Variants in ITGAE observed in about 807,000 individuals in gnomAD.
The protein encoded by ITGAE is integrin alpha-E.
In ITGAE, 99 loss-of-function variants were observed where a neutral mutation model predicts 136.5. That is an observed-to-expected ratio of 0.73 (90% confidence interval 0.62 to 0.86). The LOEUF is 0.86. Among genes scored for constraint, ITGAE ranks in the 40% least tolerant of loss-of-function variants. The pLI, the probability that ITGAE is intolerant of heterozygous loss-of-function variation, is 0.00. For missense variants in ITGAE, 1,447 were observed against 1,515.3 expected (o/e 0.95, Z 0.75); for synonymous variants, 613 against 591.8 (o/e 1.04, Z -0.52).
chr17:3,718,301 A>T (rs2050980503), intron 29 of ITGAE: 1 of 152,282 alleles, frequency 6.6e-6, no homozygotes, highest in South Asian at 2.1e-4. Flanking sequence ...AGGCACATGA[A>T]GAAAAATCCA....
chr17:3,715,446 C>G (rs2567880), intron 30 of ITGAE, among the ~76,000 whole-genome samples: 2 of 152,026 alleles, frequency 1.3e-5, no homozygotes, highest in South Asian at 2.1e-4. Flanking sequence ...GTCTCTAGAC[C>G]GCTTTCAGGG....
intron 26 of ITGAE, among the ~76,000 whole-genome samples, chr17:3,727,067 T>C (rs964214338): frequency 6.6e-6 from 1 of 151,978 alleles, no homozygotes; most frequent in African/African-American, 2.4e-5. Context: ...GAGTCCTTTC[T>C]GTAAATTCCT....
intron 1 of ITGAE, 29 bp from the exon 2 acceptor site, chr17:3,777,689 AAG>A: frequency 6.3e-7 from 1 of 1,587,774 alleles, no homozygotes; most frequent in Non-Finnish European, 8.6e-7. Context: ...CGTTTAATGA[AAG>A]AGGCCTTTTA....
rs533194979 is a variant in ITGAE, at chr17:3,773,106, A to G, written c.155+4434T>C. Among the ~76,000 whole-genome samples the G allele has an allele frequency of 2.0e-5, 3 of 152,280 alleles. No individual in the cohort carries two copies. The East Asian group carries it at 5.8e-4, about 29-fold the overall frequency. On this transcript the variant is annotated intron_variant, in intron 2 of 30. Coordinates refer to ENST00000263087, the MANE Select transcript of ITGAE (RefSeq NM_002208.5). ...GTGCTTTCGACCAAACAACCATATCAGGGTTTCTGGGACCCTTTCCTTGGG... is the reference window on the plus strand; with the variant it reads ...GTGCTTTCGACCAAACAACCATATCGGGGTTTCTGGGACCCTTTCCTTGGG...
At position 3,736,824 on chromosome 17, in the gene ITGAE, A is replaced by G. The variant is rs1303769524; in HGVS notation, c.2523-1875T>C. ...CCAAAGTGCTGGGATTACAGGCGTG[A>G]GCCACCACGCCCGGCCTAGGAAGTA... is the stretch of plus-strand genomic sequence containing the variant. On this transcript the variant is annotated intron_variant, in intron 20 of 30. Transcript: ENST00000263087. Among the ~76,000 whole-genome samples, 3 of 147,720 alleles carry G rather than the reference A, an allele frequency of 2.0e-5. No homozygotes were observed. In the East Asian group the frequency reaches 6.8e-4, roughly 33 times the overall value.
At chr17:3,725,529 A>G in intron 26 of ITGAE, 2 of 1,614,240 alleles carry the variant, frequency 1.2e-6, no homozygotes, top group Non-Finnish European at 1.7e-6. Context: ...CTTTGAGGAA[A>G]TCCTGCCAGA....
At chr17:3,751,439 T>C (rs2051863561) in intron 15 of ITGAE, among the ~76,000 whole-genome samples, 1 of 151,470 alleles carries the variant, frequency 6.6e-6, no homozygotes, top group Non-Finnish European at 1.5e-5. Flanking sequence ...GAAGCCCTGG[T>C]CTGGAACCTC....
chr17:3,718,012 A>G (rs568646818), intron 29 of ITGAE: 1 of 152,342 alleles, frequency 6.6e-6, no homozygotes, highest in East Asian at 1.9e-4. Flanking sequence ...CTTCTTCTAA[A>G]CCCACAGATT....
chr17:3,723,150 G>GTC, intron 28 of ITGAE, 138 bp downstream of exon 28: 2 of 642,884 alleles, frequency 3.1e-6, no homozygotes, highest in East Asian at 2.8e-5. Context: ...GAACGGGTTG[G>GTC]GACAGAGGGT....
intron 18 of ITGAE, among the ~76,000 whole-genome samples, chr17:3,743,834 C>T (rs2051648781): frequency 1.3e-5 from 2 of 150,768 alleles, no homozygotes; most frequent in African/African-American, 4.9e-5. Flanking sequence ...GCCCGAGTAG[C>T]TGGGATGACA....
Position 3,747,962 on chromosome 17 carries a change from T to TA in ITGAE, c.2114dup (p.Leu705PhefsTer4). ...TGGTTACAGAGCTGATTTCAAAACA[T>TA]AAACGGACATTCACGACGCCGTTGA... On this transcript the variant is annotated frameshift_variant, in exon 17 of 31. Transcript: ENST00000263087. LOFTEE classifies it high-confidence loss of function. 1.9e-6 allele frequency: 3 copies of TA among 1,609,580 alleles called. No homozygotes were observed. Among genetic ancestry groups the TA allele is most frequent in the Non-Finnish European group, 2.5e-6 (3 of 1,177,160 alleles).
rs1008429064 is a variant in ITGAE at position 3,744,628 on chromosome 17, T to C, written c.2320-1011A>G. ...CCTGGCTAATTTTTGTATTTTTTTT[T>C]AGTAGAGACAGGGTTTTACCACATT... On this transcript the variant is annotated intron_variant, in intron 18 of 30. Transcript: ENST00000263087. Among the ~76,000 whole-genome samples the C allele has an allele frequency of 5.3e-5, 8 of 151,870 alleles. No homozygotes were observed. In the South Asian group the frequency reaches 8.3e-4, roughly 16 times the overall value.
At chr17:3,715,131 C>T (rs910200582) in intron 30 of ITGAE, among the ~76,000 whole-genome samples, 189 bp from the exon 31 acceptor site, 1 of 152,212 alleles carries the variant, frequency 6.6e-6, no homozygotes, top group Non-Finnish European at 1.5e-5. Flanking sequence ...GGTGCTCATC[C>T]CTCAATCAGA....
chr17:3,781,887 G>A (rs2052674656), intron 1 of ITGAE, among the ~76,000 whole-genome samples: 6 of 151,974 alleles, frequency 3.9e-5, no homozygotes, highest in Admixed American at 3.3e-4. Flanking sequence ...TGACCTCATC[G>A]TCTTTTGCTT....
intron 1 of ITGAE, among the ~76,000 whole-genome samples, chr17:3,790,842 GAACA>G (rs1483627818): frequency 6.6e-6 from 1 of 152,054 alleles, no homozygotes; most frequent in African/African-American, 2.4e-5. Flanking sequence ...ATCTTGCTTT[GAACA>G]AACCAACTGT....
chr17:3,750,025 A>C (rs192322910), intron 16 of ITGAE, among the ~76,000 whole-genome samples: 2 of 152,214 alleles, frequency 1.3e-5, no homozygotes, highest in African/African-American at 2.4e-5. Context: ...CAGAAAAAAA[A>C]CAAAAAACAA....
intron 2 of ITGAE, among the ~76,000 whole-genome samples, chr17:3,774,238 G>C (rs2052490201): frequency 6.6e-6 from 1 of 152,056 alleles, no homozygotes; most frequent in Non-Finnish European, 1.5e-5. Context: ...GGAAACCCTT[G>C]ACCACTGACC....
intron 26 of ITGAE, chr17:3,725,648 C>T: frequency 6.2e-7 from 1 of 1,602,408 alleles, no homozygotes; most frequent in Non-Finnish European, 8.5e-7. Flanking sequence ...CTTACCCTCC[C>T]TTGCTCCTCA....
intron 26 of ITGAE, chr17:3,726,434 C>A: frequency 1.3e-6 from 1 of 743,494 alleles, no homozygotes; most frequent in Non-Finnish European, 2.3e-6. Flanking sequence ...CTCCCATTCT[C>A]ACAGGTTTCC....
Sources: allele counts gnomAD v4.1 joint callset (sites outside exome capture counted in the v4.1 genomes callset), GRCh38; gene constraint gnomAD v4.1.1; transcripts MANE v1.5; gene names NCBI Gene and HGNC (gene_info 2026-07-23, HGNC 2026-07-21).